The following ROCK1 variants were observed in gnomAD, a reference collection of about 807,000 sequenced individuals.
The protein encoded by ROCK1 is rho-associated protein kinase 1.
A neutral mutation model predicts 196.8 loss-of-function variants in ROCK1; 36 were observed. The ratio of observed to expected loss-of-function variants is 0.18; its 90% CI spans 0.14 to 0.24. The LOEUF (loss-of-function observed/expected upper bound fraction) is 0.24, where lower values mean the gene tolerates loss of function less well. Ranked by LOEUF, ROCK1 falls within the 10% of genes least tolerant of loss-of-function variation. ROCK1 has a pLI of 1.00. For synonymous variants in ROCK1, 443 were observed against 515.9 expected, an observed-to-expected ratio of 0.86 and a Z score of 1.91; for missense variants, 920 against 1,562.0, an observed-to-expected ratio of 0.59 and a Z score of 6.93.
chr18:20,987,193 T>C (rs2143398631), intron 18 of ROCK1, 83 bp from the exon 19 acceptor site: 1 of 1,225,996 alleles, frequency 8.2e-7, no homozygotes, highest in Non-Finnish European at 1.2e-6. Context: ...GTAAACTGGT[T>C]TCAAATGTCT....
At chr18:21,092,480 A>C (rs1216439917) in intron 1 of ROCK1, among the ~76,000 whole-genome samples, 2 of 146,352 alleles carry the variant, frequency 1.4e-5, no homozygotes, top group African/African-American at 5.0e-5. Flanking sequence ...GCTACTCGGG[A>C]GGCTGAGGTG....
chr18:21,090,161 T>G (rs927141381), intron 1 of ROCK1, among the ~76,000 whole-genome samples: 8 of 152,214 alleles, frequency 5.3e-5, no homozygotes, highest in African/African-American at 1.9e-4. Context: ...AAAATACTGG[T>G]TCCTTGAATT....
chr18:21,011,583 G>C (rs2035817548), intron 13 of ROCK1, among the ~76,000 whole-genome samples: 1 of 152,020 alleles, frequency 6.6e-6, no homozygotes, highest in Non-Finnish European at 1.5e-5. Flanking sequence ...TGCCTCCCTA[G>C]TAGCTGGGAC....
At chr18:21,048,332 CTTA>C (rs1259225854) in intron 4 of ROCK1, among the ~76,000 whole-genome samples, 1 of 152,118 alleles carries the variant, frequency 6.6e-6, no homozygotes, top group African/African-American at 2.4e-5. Flanking sequence ...CTTCATTTCT[CTTA>C]TTATCTCCTC....
chr18:21,076,604 G>C (rs1252833077), intron 1 of ROCK1, among the ~76,000 whole-genome samples: 10 of 151,830 alleles, frequency 6.6e-5, no homozygotes, highest in Non-Finnish European at 1.5e-4. Context: ...AGTAGAGATG[G>C]GGTTTCACCA....
At position 21,049,892 on chromosome 18, in the gene ROCK1, GAA is replaced by G. The variant is rs2036190258; in HGVS notation, c.176-14_176-13del. 4 of 1,473,090 alleles carry G rather than the reference GAA, an allele frequency of 2.7e-6. No homozygotes were observed. The African/African-American group carries it at 4.2e-5, about 16-fold the overall frequency. The allele number at this position is 1,473,090 out of a possible 1,614,324, so 91.3% of individuals were successfully genotyped here. A position where few individuals can be genotyped will look rare whatever the true frequency, so the allele number is the denominator to read the frequency against. Reference sequence around the variant, plus strand: ...TATTGTGTCTTTATCTGTATGAAAAGAAAAGTTTATCATTTTAAATCACTAAA... The same window carrying G: ...TATTGTGTCTTTATCTGTATGAAAAGAAGTTTATCATTTTAAATCACTAAA... On this transcript the variant is annotated splice_polypyrimidine_tract_variant and intron_variant, in intron 2 of 32. Transcript: ENST00000399799.
chr18:20,969,864 G>C (rs1188917594), intron 23 of ROCK1: 1 of 152,128 alleles, frequency 6.6e-6, no homozygotes, highest in Non-Finnish European at 1.5e-5. Flanking sequence ...CTTTTTAGTC[G>C]CATGATTCTA....
chr18:21,078,373 C>CACAGAGAGAG (rs1491188980), intron 1 of ROCK1, among the ~76,000 whole-genome samples: 3 of 66,116 alleles, frequency 4.5e-5, no homozygotes, highest in African/African-American at 1.1e-4. Context: ...CACACACACA[C>CACAGAGAGAG]AGAGAGAGAG....
intron 22 of ROCK1, among the ~76,000 whole-genome samples, chr18:20,971,717 T>TAAAG (rs1568371253): frequency 8.1e-6 from 1 of 123,572 alleles, no homozygotes; most frequent in Non-Finnish European, 1.7e-5. Flanking sequence ...AATAAATAAA[T>TAAAG]AAAGAGACAC....
intron 1 of ROCK1, among the ~76,000 whole-genome samples, chr18:21,096,509 A>G (rs1000645226): frequency 2.6e-5 from 4 of 152,172 alleles, no homozygotes; most frequent in Admixed American, 1.3e-4. Context: ...CCTGTCTACA[A>G]ATATTTATGT....
intron 18 of ROCK1, 120 bp downstream of exon 18, chr18:20,991,056 G>A: frequency 1.3e-6 from 1 of 763,688 alleles, no homozygotes; most frequent in Non-Finnish European, 2.1e-6. Flanking sequence ...CACTGTGCCA[G>A]GCCTATAATT....
At chr18:21,011,777 T>C (rs1272956625) in intron 13 of ROCK1, among the ~76,000 whole-genome samples, 1 of 152,218 alleles carries the variant, frequency 6.6e-6, no homozygotes, top group Non-Finnish European at 1.5e-5. Context: ...CCTTTCTTTA[T>C]GACCCATTAC....
chr18:20,960,656 TACTC>T (rs2035318541), intron 27 of ROCK1: 1 of 152,930 alleles, frequency 6.5e-6, no homozygotes, highest in African/African-American at 2.4e-5. Flanking sequence ...AGTGTCCTAT[TACTC>T]ACAGAAGACA....
At position 21,089,993 on chromosome 18, in the gene ROCK1, T is replaced by C. The variant is rs2036556669; in HGVS notation, c.94-19380A>G. On this transcript the variant is annotated intron_variant, in intron 1 of 32. Transcript: ENST00000399799. ...ATCAAATTTGACGAGGGGTGTTTCT[T>C]AAAGATTAGTGGCATTGTAGAATCT... is the stretch of plus-strand genomic sequence containing the variant. Among the ~76,000 whole-genome samples the C allele has an allele frequency of 2.6e-5, 4 of 152,240 alleles. No individual in the cohort carries two copies. In the South Asian group the frequency reaches 8.3e-4, roughly 31 times the overall value.
At chr18:21,066,340 ATTG>A (rs1218095274) in intron 2 of ROCK1, among the ~76,000 whole-genome samples, 3 of 152,166 alleles carry the variant, frequency 2.0e-5, no homozygotes, top group Non-Finnish European at 2.9e-5. Flanking sequence ...AGCCACATAC[ATTG>A]TTTTCCTTAA....
intron 16 of ROCK1, among the ~76,000 whole-genome samples, chr18:21,005,021 A>G (rs2035756964): frequency 6.6e-6 from 1 of 152,190 alleles, no homozygotes; most frequent in African/African-American, 2.4e-5. Context: ...CTATGTTCCC[A>G]TCTCTAACTA....
chr18:21,068,889 T>C (rs1352687945), intron 2 of ROCK1, among the ~76,000 whole-genome samples: 2 of 152,196 alleles, frequency 1.3e-5, no homozygotes, highest in East Asian at 1.9e-4. Flanking sequence ...ATTTTCTATA[T>C]GGAAAATCAT....
rs1229834654 is a variant in ROCK1 at position 20,960,130 on chromosome 18, T to C, written c.3423+6A>G. On this transcript the variant is annotated splice_donor_region_variant and intron_variant, in intron 28 of 32. Transcript: ENST00000399799. Reference sequence around the variant, plus strand: ...ACCAGTTAGAAAATAATTAGGTATATGGTACCTGTTTCTTCCAGCCATATC... The same window carrying C: ...ACCAGTTAGAAAATAATTAGGTATACGGTACCTGTTTCTTCCAGCCATATC... The C allele has an allele frequency of 1.9e-6, 3 of 1,562,654 alleles. No homozygotes were observed. The highest frequency in any genetic ancestry group is 2.6e-6 in the Non-Finnish European group (3 of 1,133,500).
intron 27 of ROCK1, 145 bp from the exon 28 acceptor site, chr18:20,960,351 TCA>T: frequency 1.8e-6 from 1 of 566,464 alleles, no homozygotes; most frequent in East Asian, 2.8e-5. Flanking sequence ...CATGCTTCAA[TCA>T]CACAAATCAA....
Sources: allele counts gnomAD v4.1 joint callset (sites outside exome capture counted in the v4.1 genomes callset), GRCh38; gene constraint gnomAD v4.1.1; transcripts MANE v1.5; gene names NCBI Gene and HGNC (gene_info 2026-07-23, HGNC 2026-07-21).